The following RBFOX1 variants were observed in gnomAD, a reference collection of about 807,000 sequenced individuals.
RBFOX1 encodes the protein RNA binding fox-1 homolog 1, also known as RNA binding protein fox-1 homolog 1.
In RBFOX1, 8 loss-of-function variants were observed where a neutral mutation model predicts 57.7. That is an observed-to-expected ratio of 0.14 (90% CI 0.08 to 0.25). The LOEUF (loss-of-function observed/expected upper bound fraction) is 0.25. Ranked by LOEUF, RBFOX1 falls within the 10% of genes least tolerant of loss-of-function variation. RBFOX1 has a pLI of 1.00. For missense variants in RBFOX1, 611 were observed against 548.5 expected (o/e 1.11, Z -1.14); for synonymous variants, 326 against 222.4 (o/e 1.47, Z -4.15).
chr16:6,035,371 C>G (rs1244941556), intron 1 of RBFOX1, among the ~76,000 whole-genome samples: 1 of 152,234 alleles, frequency 6.6e-6, no homozygotes, highest in East Asian at 1.9e-4. Flanking sequence ...CCCCTTGTGG[C>G]AGATGCCAGT....
At chr16:7,473,491 G>T (rs1599327540) in intron 4 of RBFOX1, among the ~76,000 whole-genome samples, 2 of 147,718 alleles carry the variant, frequency 1.4e-5, no homozygotes, top group African/African-American at 4.9e-5. Flanking sequence ...ATGTATATAT[G>T]TTTATATATG....
intron 1 of RBFOX1, among the ~76,000 whole-genome samples, chr16:6,242,662 A>ACACG (rs2097546290): frequency 7.1e-6 from 1 of 140,570 alleles, no homozygotes; most frequent in South Asian, 2.2e-4. Context: ...ACACACACAC[A>ACACG]CATTCCTTAA....
intron 2 of RBFOX1, among the ~76,000 whole-genome samples, chr16:6,646,099 C>G (rs1006360337): frequency 6.7e-6 from 1 of 149,982 alleles, no homozygotes; most frequent in Non-Finnish European, 1.5e-5. Context: ...ATACTTAACA[C>G]TTTTAAGTAG....
chr16:5,865,470 G>A (rs1045673336), intron 3 of RBFOX1, among the ~76,000 whole-genome samples: 8 of 152,144 alleles, frequency 5.3e-5, no homozygotes, highest in African/African-American at 1.9e-4. Flanking sequence ...GACTTTCTTG[G>A]CTGAGGTCAG....
chr16:5,487,668 C>A (rs2042674314), intron 2 of RBFOX1, among the ~76,000 whole-genome samples: 1 of 152,184 alleles, frequency 6.6e-6, no homozygotes, highest in African/African-American at 2.4e-5. Flanking sequence ...AAGCAAGGCA[C>A]AACTAATGGT....
At chr16:6,854,783 AC>A (rs757333626) in intron 3 of RBFOX1, among the ~76,000 whole-genome samples, 1 of 151,388 alleles carries the variant, frequency 6.6e-6, no homozygotes, top group Non-Finnish European at 1.5e-5. Context: ...TTTAGTAGAG[AC>A]GGGGTTTCAC....
At chr16:7,388,789 A>C (rs56060847) in intron 4 of RBFOX1, among the ~76,000 whole-genome samples, 12,339 of 151,986 alleles carry the variant, frequency 0.081, 539 homozygotes, top group East Asian at 0.2. Context: ...GTTTGTCCAA[A>C]TGTAGGCTAA....
chr16:7,242,162 A>G (rs753103739), intron 4 of RBFOX1, among the ~76,000 whole-genome samples: 5 of 152,140 alleles, frequency 3.3e-5, no homozygotes, highest in Admixed American at 6.5e-5. Flanking sequence ...AGAGAAACCC[A>G]TATATGTGTA....
chr16:6,083,719 C>T (rs117003120), intron 1 of RBFOX1, among the ~76,000 whole-genome samples: 4,196 of 152,190 alleles, frequency 0.028, 98 homozygotes, highest in Admixed American at 0.056. Context: ...TCATGCGATC[C>T]TCCTACCTTG....
intron 9 of RBFOX1, among the ~76,000 whole-genome samples, chr16:7,600,031 C>T (rs1285720281): frequency 6.6e-6 from 1 of 152,260 alleles, no homozygotes; most frequent in Admixed American, 6.5e-5. Context: ...TAGAAATGCA[C>T]TCAAGTGGCA....
At chr16:6,648,379 G>T (rs923849460) in intron 2 of RBFOX1, among the ~76,000 whole-genome samples, 1 of 142,890 alleles carries the variant, frequency 7.0e-6, no homozygotes. Flanking sequence ...CATCGTACTT[G>T]CTGGGGTTGC....
At chr16:5,935,376 C>A (rs1172639088) in intron 4 of RBFOX1, among the ~76,000 whole-genome samples, 1 of 152,114 alleles carries the variant, frequency 6.6e-6, no homozygotes, top group Non-Finnish European at 1.5e-5. Flanking sequence ...AGGACCATGG[C>A]CAGGAGCCTG....
intron 3 of RBFOX1, among the ~76,000 whole-genome samples, chr16:6,845,724 A>T (rs2093719180): frequency 1.3e-5 from 2 of 152,160 alleles, no homozygotes; most frequent in South Asian, 2.1e-4. Flanking sequence ...ACACAGACCC[A>T]TGTACCTCCT....
At chr16:5,628,143 A>C (rs1821700505) in intron 3 of RBFOX1, among the ~76,000 whole-genome samples, 1 of 152,156 alleles carries the variant, frequency 6.6e-6, no homozygotes, top group South Asian at 2.1e-4. Context: ...GTGCTGGCTC[A>C]CAGTTTAGTG....
chr16:6,243,144 CTGTGTG>C (rs370115661), intron 1 of RBFOX1, among the ~76,000 whole-genome samples: 8 of 147,416 alleles, frequency 5.4e-5, no homozygotes, highest in African/African-American at 1.0e-4. Flanking sequence ...ATACGTGTGT[CTGTGTG>C]TGTGTGTGTG....
intron 4 of RBFOX1, among the ~76,000 whole-genome samples, chr16:7,142,369 C>T (rs900972795): frequency 6.6e-6 from 1 of 152,124 alleles, no homozygotes; most frequent in Non-Finnish European, 1.5e-5. Context: ...TTACCATGCC[C>T]GTGAAATGAG....
intron 1 of RBFOX1, among the ~76,000 whole-genome samples, chr16:5,458,390 C>G (rs1020514091): frequency 9.9e-5 from 15 of 151,844 alleles, no homozygotes; most frequent in African/African-American, 3.6e-4. Context: ...CGGGAGGGCA[C>G]CATAGCACAG....
chr16:6,724,438 C>A (rs185349683), intron 3 of RBFOX1, among the ~76,000 whole-genome samples: 17 of 152,078 alleles, frequency 1.1e-4, no homozygotes, highest in Admixed American at 1.1e-3. Context: ...GAACTCCTGA[C>A]CTCAGGTGAT....
At chr16:6,820,004 T>A (rs1209204139) in intron 3 of RBFOX1, among the ~76,000 whole-genome samples, 2 of 152,110 alleles carry the variant, frequency 1.3e-5, no homozygotes, top group Non-Finnish European at 2.9e-5. Flanking sequence ...GAATTGTAGT[T>A]CCCATAATCC....
Sources: gnomAD v4.1 joint callset for allele counts (sites outside exome capture counted in the v4.1 genomes callset) on GRCh38, gnomAD v4.1.1 for gene constraint, MANE v1.5 for transcripts, NCBI Gene and HGNC (gene_info 2026-07-23, HGNC 2026-07-21) for gene names.